Variants in AKAP6 observed in about 807,000 individuals in gnomAD.
AKAP6 encodes A-kinase anchor protein 6.
Under a neutral mutation model 188.5 loss-of-function variants are expected in AKAP6, and 58 were observed. The ratio of observed to expected loss-of-function variants is 0.31; its 90% CI spans 0.25 to 0.38. The LOEUF is 0.38. AKAP6 is among the 10% of genes least tolerant of loss of function. The probability of loss-of-function intolerance (pLI) is 1.00; values close to 1 mark genes in which losing one functional copy is unlikely to be tolerated. For synonymous variants in AKAP6, 989 were observed against 998.6 expected (o/e 0.99, Z 0.18); for missense variants, 2,710 against 2,740.0 (o/e 0.99, Z 0.24).
In AKAP6 at chr14:32,832,404, G is replaced by A. The variant is rs1326185315; in HGVS notation, c.*2599G>A. ...AACATTCAAAGAACAAACTGACAAT[G>A]ATGTTCTACCTACTTGTTACATGCT... On this transcript the variant is annotated 3_prime_UTR_variant, in exon 14 of 14. Coordinates refer to ENST00000280979, the MANE Select transcript of AKAP6 (RefSeq NM_004274.5). 6.6e-6 allele frequency: 1 copy of A among 152,182 alleles called. No homozygotes were observed. The highest frequency in any genetic ancestry group is 1.9e-4 in the East Asian group (1 of 5,192). 9.4% of individuals were successfully genotyped at this position (152,182 alleles called of 1,614,324 possible).
chr14:32,718,957 T>C (rs2030379789), intron 9 of AKAP6, among the ~76,000 whole-genome samples: 1 of 152,172 alleles, frequency 6.6e-6, no homozygotes, highest in Admixed American at 6.6e-5. Context: ...CTACAGTCCC[T>C]TGTAGAAGCT....
Position 32,455,793 on chromosome 14 carries a change from C to T in AKAP6, c.324+21976C>T, listed in dbSNP as rs527777543. Among the ~76,000 whole-genome samples the T allele has an allele frequency of 2.0e-5, 3 of 152,154 alleles. No individual in the cohort carries two copies. The South Asian group carries it at 6.3e-4, about 32-fold the overall frequency. On this transcript the variant is annotated intron_variant, in intron 2 of 13. Coordinates refer to ENST00000280979, the MANE Select transcript of AKAP6 (RefSeq NM_004274.5). ...TCTGATCTGTTTTTATCAGTTCTGT[C>T]CTATTTTAAAATTATATAACACTTG...
At chr14:32,353,262 G>A (rs953994750) in intron 1 of AKAP6, among the ~76,000 whole-genome samples, 3 of 152,128 alleles carry the variant, frequency 2.0e-5, no homozygotes, top group African/African-American at 4.8e-5. Flanking sequence ...GAAAAATATT[G>A]TTAAAAGTAT....
chr14:32,483,774 G>A (rs909531976), intron 2 of AKAP6, among the ~76,000 whole-genome samples: 4 of 151,970 alleles, frequency 2.6e-5, no homozygotes, highest in Non-Finnish European at 5.9e-5. Context: ...GTGAGCCACT[G>A]TGCCCCCCAG....
intron 7 of AKAP6, among the ~76,000 whole-genome samples, chr14:32,603,887 C>A (rs940031534): frequency 6.6e-6 from 1 of 151,692 alleles, no homozygotes; most frequent in Admixed American, 6.6e-5. Flanking sequence ...ATTTTCCAAA[C>A]CTCTCAACGA....
At chr14:32,405,673 C>A (rs1013797579) in intron 1 of AKAP6, among the ~76,000 whole-genome samples, 2 of 134,612 alleles carry the variant, frequency 1.5e-5, no homozygotes, top group Admixed American at 1.6e-4. Flanking sequence ...ATCATGGGGG[C>A]AGTTTCCCCC....
intron 9 of AKAP6, among the ~76,000 whole-genome samples, chr14:32,710,196 CCAA>C (rs767533947): frequency 1.7e-5 from 1 of 60,390 alleles, no homozygotes; most frequent in African/African-American, 6.9e-5. Context: ...AAAAATGGAC[CCAA>C]AAAAAAAAAA....
chr14:32,523,571 C>T (rs137921653), intron 2 of AKAP6, among the ~76,000 whole-genome samples: 128 of 151,436 alleles, frequency 8.5e-4, no homozygotes, highest in Middle Eastern at 6.9e-3. Context: ...CAGGGTCAAG[C>T]CATCCTCCCA....
chr14:32,348,765 A>G (rs1009491130), intron 1 of AKAP6, among the ~76,000 whole-genome samples: 5 of 152,144 alleles, frequency 3.3e-5, no homozygotes, highest in Admixed American at 3.3e-4. Context: ...GGCTTCTGAT[A>G]CATGCTAAAC....
chr14:32,598,979 A>G (rs1885813134), intron 5 of AKAP6, among the ~76,000 whole-genome samples: 1 of 152,182 alleles, frequency 6.6e-6, no homozygotes, highest in African/African-American at 2.4e-5. Context: ...ACCCTACTAT[A>G]TTAATGGATT....
chr14:32,450,343 G>C (rs1023214289), intron 2 of AKAP6, among the ~76,000 whole-genome samples: 56 of 150,986 alleles, frequency 3.7e-4, no homozygotes, highest in African/African-American at 1.4e-3. Context: ...AGAGAGAGAG[G>C]GAGAGGGAGA....
Position 32,423,782 on chromosome 14 carries a change from T to C in AKAP6, c.-34-9678T>C, listed in dbSNP as rs115194250. Among the ~76,000 whole-genome samples, 1,188 of 152,260 alleles carry C rather than the reference T, an allele frequency of 7.8e-3. 20 individuals carry two copies. Among genetic ancestry groups the C allele is most frequent in the African/African-American group, 0.027 (1,137 of 41,558 alleles). Reference sequence around the variant, plus strand: ...TAACTAATATTTATATATTACTCTTTAATTAATTTAGAAATAATTTTAGAA... The same window carrying C: ...TAACTAATATTTATATATTACTCTTCAATTAATTTAGAAATAATTTTAGAA... On this transcript the variant is annotated intron_variant, in intron 1 of 13. Coordinates refer to ENST00000280979, the MANE Select transcript of AKAP6 (RefSeq NM_004274.5).
intron 4 of AKAP6, 48 bp from the exon 5 acceptor site, chr14:32,577,072 A>G (rs1319202888): frequency 2.5e-6 from 4 of 1,581,178 alleles, no homozygotes; most frequent in Non-Finnish European, 8.6e-7. Flanking sequence ...TAACCAACTA[A>G]CATGCCTTTC....
intron 3 of AKAP6, among the ~76,000 whole-genome samples, chr14:32,542,251 A>G (rs1020177365): frequency 1.2e-4 from 18 of 152,310 alleles, no homozygotes; most frequent in Admixed American, 9.8e-4. Flanking sequence ...GTTAACTAAA[A>G]CTATGTAATC....
chr14:32,590,773 A>T (rs1189111154), intron 5 of AKAP6, among the ~76,000 whole-genome samples: 1 of 152,236 alleles, frequency 6.6e-6, no homozygotes, highest in East Asian at 1.9e-4. Context: ...TTCTCAGATA[A>T]AATGTTAACT....
At chr14:32,552,086 G>A (rs1485680385) in intron 4 of AKAP6, among the ~76,000 whole-genome samples, 2 of 152,204 alleles carry the variant, frequency 1.3e-5, no homozygotes, top group African/African-American at 4.8e-5. Flanking sequence ...GTTTGTTAAT[G>A]AATCTCATGT....
At chr14:32,620,794 C>T (rs1886786329) in intron 7 of AKAP6, among the ~76,000 whole-genome samples, 1 of 150,928 alleles carries the variant, frequency 6.6e-6, no homozygotes, top group Non-Finnish European at 1.5e-5. Context: ...TGACCCAGGG[C>T]TTTTTTTCAC....
chr14:32,543,728 G>T (rs1272183474), intron 3 of AKAP6, among the ~76,000 whole-genome samples: 1 of 152,154 alleles, frequency 6.6e-6, no homozygotes, highest in Admixed American at 6.5e-5. Context: ...GGAGGTGGGG[G>T]CATGCCAGTT....
intron 1 of AKAP6, among the ~76,000 whole-genome samples, chr14:32,384,525 G>A (rs551335859): frequency 2.0e-5 from 3 of 152,240 alleles, no homozygotes; most frequent in African/African-American, 4.8e-5. Context: ...GGTAACAGAG[G>A]GGACCTCAAT....
Sources: gnomAD v4.1 joint callset for allele counts (sites outside exome capture counted in the v4.1 genomes callset) on GRCh38, gnomAD v4.1.1 for gene constraint, MANE v1.5 for transcripts, NCBI Gene and HGNC (gene_info 2026-07-23, HGNC 2026-07-21) for gene names.